The following GRK3 variants were observed in gnomAD, a reference collection of about 807,000 sequenced individuals.
The protein encoded by GRK3 is G protein-coupled receptor kinase 3, also known as adrenergic, beta, receptor kinase 2.
In GRK3, 54 loss-of-function variants were observed where a neutral mutation model predicts 95.7. The ratio of observed to expected loss-of-function variants is 0.56; its 90% confidence interval spans 0.45 to 0.71. The LOEUF is 0.71. GRK3 is among the 30% of genes least tolerant of loss of function. The pLI, the probability that GRK3 is intolerant of heterozygous loss-of-function variation, is 0.00. For missense variants in GRK3, 649 were observed against 851.2 expected (o/e 0.76, Z 2.96); for synonymous variants, 281 against 290.8 (o/e 0.97, Z 0.34).
chr22:25,662,516 T>A (rs116977314), intron 4 of GRK3, among the ~76,000 whole-genome samples: 2,398 of 152,284 alleles, frequency 0.016, 31 homozygotes, highest in Middle Eastern at 0.065. Flanking sequence ...GGTCATGGTA[T>A]TGGTGTATTT....
At chr22:25,666,171 G>A (rs1360019164) in intron 5 of GRK3, among the ~76,000 whole-genome samples, 2 of 152,170 alleles carry the variant, frequency 1.3e-5, no homozygotes, top group Admixed American at 6.5e-5. Context: ...TAGATTCTAC[G>A]TAGTCTTAGG....
At chr22:25,687,039 C>T (rs184307061) in intron 10 of GRK3, among the ~76,000 whole-genome samples, 27 of 152,090 alleles carry the variant, frequency 1.8e-4, no homozygotes, top group Non-Finnish European at 2.9e-4. Context: ...AGGCTGGTCT[C>T]GAACTCCTGA....
intron 1 of GRK3, among the ~76,000 whole-genome samples, chr22:25,576,592 A>G (rs1221296380): frequency 6.6e-6 from 1 of 152,218 alleles, no homozygotes; most frequent in Non-Finnish European, 1.5e-5. Flanking sequence ...ATCTTATTTT[A>G]GAAGAAGGAA....
chr22:25,693,470 C>A (rs1048513078), intron 12 of GRK3, among the ~76,000 whole-genome samples: 2 of 152,208 alleles, frequency 1.3e-5, no homozygotes, highest in Non-Finnish European at 2.9e-5. Context: ...ACTTTCCAGG[C>A]AACCCTGAAA....
chr22:25,700,115 C>T (rs1218113801), intron 13 of GRK3, among the ~76,000 whole-genome samples: 1 of 152,240 alleles, frequency 6.6e-6, no homozygotes, highest in Non-Finnish European at 1.5e-5. Context: ...CTGCAAGGCA[C>T]TTGGAGAAGG....
intron 1 of GRK3, among the ~76,000 whole-genome samples, chr22:25,596,776 T>A (rs767604814): frequency 6.6e-6 from 1 of 152,240 alleles, no homozygotes. Flanking sequence ...GCTGGACTTA[T>A]ATTCACAGAA....
At chr22:25,606,150 G>A (rs1386430910) in intron 2 of GRK3, among the ~76,000 whole-genome samples, 1 of 152,174 alleles carries the variant, frequency 6.6e-6, no homozygotes, top group Non-Finnish European at 1.5e-5. Flanking sequence ...TCAGTTGCAC[G>A]GATTGTTCTC....
chr22:25,622,141 A>C (rs887918906), intron 2 of GRK3, among the ~76,000 whole-genome samples: 16 of 152,190 alleles, frequency 1.1e-4, no homozygotes, highest in Non-Finnish European at 1.5e-5. Flanking sequence ...AAACCACAGA[A>C]TGTTAGGCCT....
intron 17 of GRK3, among the ~76,000 whole-genome samples, chr22:25,714,038 C>T (rs1328275961): frequency 6.6e-6 from 1 of 152,162 alleles, no homozygotes; most frequent in Non-Finnish European, 1.5e-5. Flanking sequence ...CCTATATAAA[C>T]AAAATATCCT....
Position 25,726,702 on chromosome 22 carries a change from G to A in GRK3, c.*4252G>A, listed in dbSNP as rs1420900538. ...AGGTGAAGTTTCTTTTTTCCCCCCT[G>A]TAACAGGAGAGTTTTCCTTATGATA... is the stretch of plus-strand genomic sequence containing the variant. On this transcript the variant is annotated 3_prime_UTR_variant, in exon 21 of 21. Coordinates refer to ENST00000324198, the MANE Select transcript of GRK3 (RefSeq NM_005160.4). 6.6e-6 allele frequency: 1 copy of A among 152,154 alleles called. No homozygotes were observed. Among genetic ancestry groups the A allele is most frequent in the East Asian group, 1.9e-4 (1 of 5,198 alleles). 9.4% of individuals were successfully genotyped at this position (152,154 alleles called of 1,614,324 possible). A position where few individuals can be genotyped will look rare whatever the true frequency, so the allele number is the denominator to read the frequency against.
intron 1 of GRK3, among the ~76,000 whole-genome samples, chr22:25,566,916 C>G (rs73879504): frequency 0.15 from 21,096 of 139,138 alleles, 3,145 homozygotes; most frequent in African/African-American, 0.44. Flanking sequence ...TTGGGGGGGG[C>G]TAGTATATAA....
chr22:25,644,745 A>G, intron 3 of GRK3, 80 bp downstream of exon 3: 1 of 650,058 alleles, frequency 1.5e-6, no homozygotes, highest in South Asian at 2.5e-5. Context: ...AAGACTACTT[A>G]ATATCTTACA....
At chr22:25,632,702 A>G (rs560138659) in intron 2 of GRK3, among the ~76,000 whole-genome samples, 1 of 152,254 alleles carries the variant, frequency 6.6e-6, no homozygotes, top group South Asian at 2.1e-4. Flanking sequence ...TAGGAATCAC[A>G]TATTTTTGCA....
rs6519622 is a variant in GRK3 at position 25,722,557 on chromosome 22, G to A, written c.*107G>A. The A allele has an allele frequency of 0.021, 25,664 of 1,229,772 alleles. 347 individuals are homozygous for A. Among genetic ancestry groups the A allele is most frequent in the African/African-American group, 0.04 (2,671 of 66,322 alleles). The allele number at this position is 1,229,772 out of a possible 1,614,324, so 76.2% of individuals were successfully genotyped here. ...CTATTCGCTACCGGGACTCCTCCAG[G>A]CTCCCGAGAGGAGTCGGGACCCTTC... On this transcript the variant is annotated 3_prime_UTR_variant, in exon 21 of 21. Transcript: ENST00000324198.
chr22:25,576,660 C>T (rs549096495), intron 1 of GRK3, among the ~76,000 whole-genome samples: 1 of 152,324 alleles, frequency 6.6e-6, no homozygotes, highest in South Asian at 2.1e-4. Context: ...AATGGTGCAG[C>T]TGAGCTTCAA....
chr22:25,699,243 T>C (rs1432884620), intron 13 of GRK3, among the ~76,000 whole-genome samples: 1 of 152,090 alleles, frequency 6.6e-6, no homozygotes, highest in African/African-American at 2.4e-5. Flanking sequence ...TCCTGTGTTG[T>C]ATAGAAGGGA....
At chr22:25,634,917 A>G (rs961086269) in intron 2 of GRK3, among the ~76,000 whole-genome samples, 3 of 152,320 alleles carry the variant, frequency 2.0e-5, no homozygotes, top group Middle Eastern at 6.8e-3. Context: ...TTTTCTTATA[A>G]CTTTGTATTT....
chr22:25,662,223 A>G (rs1380948378), intron 4 of GRK3, among the ~76,000 whole-genome samples: 1 of 152,236 alleles, frequency 6.6e-6, no homozygotes, highest in Non-Finnish European at 1.5e-5. Context: ...GAGTAACTGG[A>G]AGAACATTTA....
At position 25,578,060 on chromosome 22, in the gene GRK3, G is replaced by C. The variant is rs78187157; in HGVS notation, c.113+12907G>C. On this transcript the variant is annotated intron_variant, in intron 1 of 20. Coordinates refer to ENST00000324198, the MANE Select transcript of GRK3 (RefSeq NM_005160.4). ...CCAAGAATTTAAGTGTAAATGAAGA[G>C]ATACATGAGTACAAGATAAGAGTTA... Among the ~76,000 whole-genome samples, 1,064 of 152,194 alleles carry C rather than the reference G, an allele frequency of 7.0e-3. 14 individuals carry two copies. The highest frequency in any genetic ancestry group is 0.024 in the African/African-American group (1,008 of 41,506).
Sources: gnomAD v4.1 joint callset for allele counts (sites outside exome capture counted in the v4.1 genomes callset) on GRCh38, gnomAD v4.1.1 for gene constraint, MANE v1.5 for transcripts, NCBI Gene and HGNC (gene_info 2026-07-23, HGNC 2026-07-21) for gene names.